The following FOXK2 variants were observed in gnomAD, a reference collection of about 807,000 sequenced individuals.
FOXK2 encodes the protein forkhead box protein K2.
Under a neutral mutation model 53.3 loss-of-function variants are expected in FOXK2, and 24 were observed. The ratio of observed to expected loss-of-function variants is 0.45; its 90% CI spans 0.33 to 0.63. The LOEUF (loss-of-function observed/expected upper bound fraction) is 0.63, where lower values mean the gene tolerates loss of function less well. Ranked by LOEUF, FOXK2 falls within the 30% of genes least tolerant of loss-of-function variation. FOXK2 has a pLI of 0.03. For missense variants in FOXK2, 952 were observed against 910.5 expected, an observed-to-expected ratio of 1.05 and a Z score of -0.59; for synonymous variants, 505 against 407.1, an observed-to-expected ratio of 1.24 and a Z score of -2.89.
chr17:82,563,750 CCTT>C lies in FOXK2; in HGVS notation c.614+203_614+205del, dbSNP rs1210282273. On this transcript the variant is annotated intron_variant, in intron 2 of 8. Transcript: ENST00000335255. ...GTTCCTGGTTTTTATTTACTCATTC[CCTT>C]TTTTTTTTTTTTTTTTGAGAAGGAG... Among the ~76,000 whole-genome samples the C allele has an allele frequency of 1.6e-4, 15 of 94,574 alleles. 1 individual carries two copies. The highest frequency in any genetic ancestry group is 1.5e-3 in the East Asian group (6 of 3,888). The allele number at this position is 94,574 out of a possible 152,430, so 62.0% of individuals were successfully genotyped here. A position where few individuals can be genotyped will look rare whatever the true frequency, so the allele number is the denominator to read the frequency against.
At chr17:82,569,651 A>C (rs2044891458) in intron 3 of FOXK2, among the ~76,000 whole-genome samples, 1 of 152,078 alleles carries the variant, frequency 6.6e-6, no homozygotes, top group African/African-American at 2.4e-5. Flanking sequence ...AGAAACATAG[A>C]AAAAAATCAC....
chr17:82,569,029 A>G (rs1243325859), intron 3 of FOXK2, among the ~76,000 whole-genome samples: 1 of 152,168 alleles, frequency 6.6e-6, no homozygotes, highest in African/African-American at 2.4e-5. Flanking sequence ...TAAAATAAAA[A>G]ATAAAAAGAA....
intron 5 of FOXK2, among the ~76,000 whole-genome samples, chr17:82,583,439 C>A (rs1039809628): frequency 1.3e-5 from 2 of 152,170 alleles, no homozygotes; most frequent in African/African-American, 2.4e-5. Flanking sequence ...CCCAGCTACT[C>A]GGGAGCCTGA....
intron 1 of FOXK2, among the ~76,000 whole-genome samples, chr17:82,553,701 C>G (rs1322787276): frequency 6.6e-6 from 1 of 152,198 alleles, no homozygotes; most frequent in Non-Finnish European, 1.5e-5. Context: ...GCCCTTAAGA[C>G]ATGAACCACC....
chr17:82,595,075 G>A (rs187885439), intron 8 of FOXK2, among the ~76,000 whole-genome samples: 8 of 152,310 alleles, frequency 5.3e-5, no homozygotes, highest in African/African-American at 1.4e-4. Flanking sequence ...AACGCAAGCC[G>A]GCATACATTG....
rs1161481850 is a variant in FOXK2, at chr17:82,602,264, A to C, written c.*765A>C. 1 of 152,172 alleles carries C rather than the reference A, an allele frequency of 6.6e-6. No individual in the cohort carries two copies. Among genetic ancestry groups the C allele is most frequent in the Non-Finnish European group, 1.5e-5 (1 of 68,032 alleles). The allele number at this position is 152,172 out of a possible 1,614,324, so 9.4% of individuals were successfully genotyped here. A position where few individuals can be genotyped will look rare whatever the true frequency, so the allele number is the denominator to read the frequency against. ...ACCCAGGGACGAGCCAGTGCCGGGA[A>C]GGAACTGCCGGGACTCACCGAGCTG... On this transcript the variant is annotated 3_prime_UTR_variant, in exon 9 of 9. Transcript: ENST00000335255.
At position 82,539,295 on chromosome 17, in the gene FOXK2, G is replaced by A. The variant is rs12185279; in HGVS notation, c.419+18988G>A. 2.0e-4 allele frequency among the ~76,000 whole-genome samples: 10 copies of A among 49,114 alleles called. No homozygotes were observed. The South Asian group carries it at 2.8e-3, about 14-fold the overall frequency. 32.2% of individuals were successfully genotyped at this position (49,114 alleles called of 152,430 possible). ...AAGGTGGCCGGGCGTGGTGGCTCAGGCCCGTAATCTCAGCACTGTAAGGTG... is the reference window on the plus strand; with the variant it reads ...AAGGTGGCCGGGCGTGGTGGCTCAGACCCGTAATCTCAGCACTGTAAGGTG... On this transcript the variant is annotated intron_variant, in intron 1 of 8. Transcript: ENST00000335255.
intron 1 of FOXK2, among the ~76,000 whole-genome samples, chr17:82,560,066 C>G (rs1400151366): frequency 2.1e-5 from 3 of 143,428 alleles, no homozygotes; most frequent in Admixed American, 1.5e-4. Context: ...AGTGCAGTGG[C>G]AGGATCTCGG....
intron 1 of FOXK2, among the ~76,000 whole-genome samples, chr17:82,521,023 A>G (rs926798209): frequency 3.3e-5 from 5 of 152,172 alleles, no homozygotes; most frequent in African/African-American, 1.2e-4. Context: ...TCCTGCTACA[A>G]AACAATTTAG....
At chr17:82,585,083 C>G (rs905906841) in intron 6 of FOXK2, among the ~76,000 whole-genome samples, 4 of 152,224 alleles carry the variant, frequency 2.6e-5, no homozygotes, top group Non-Finnish European at 5.9e-5. Context: ...ACAGCCATGT[C>G]TCCCTCTCTT....
chr17:82,545,198 C>T (rs1352863740), intron 1 of FOXK2, among the ~76,000 whole-genome samples: 1 of 152,138 alleles, frequency 6.6e-6, no homozygotes, highest in East Asian at 1.9e-4. Context: ...ACCACTGGTA[C>T]GGTCTGTTCT....
At chr17:82,545,195 G>A (rs2044613170) in intron 1 of FOXK2, among the ~76,000 whole-genome samples, 1 of 152,096 alleles carries the variant, frequency 6.6e-6, no homozygotes, top group African/African-American at 2.4e-5. Context: ...AGAACCACTG[G>A]TACGGTCTGT....
chr17:82,587,324 GC>G (rs745757489), intron 8 of FOXK2, 52 bp downstream of exon 8: 1 of 1,389,618 alleles, frequency 7.2e-7, no homozygotes, highest in Non-Finnish European at 1.0e-6. Flanking sequence ...TGGGAGCAGA[GC>G]CCCTTCTCAC....
intron 2 of FOXK2, among the ~76,000 whole-genome samples, chr17:82,566,765 C>A (rs1159618721): frequency 6.6e-6 from 1 of 152,142 alleles, no homozygotes; most frequent in African/African-American, 2.4e-5. Flanking sequence ...CTTGCTTGCC[C>A]CTCCCCACAC....
intron 8 of FOXK2, among the ~76,000 whole-genome samples, chr17:82,591,127 G>T (rs1183471303): frequency 6.6e-6 from 1 of 152,182 alleles, no homozygotes; most frequent in African/African-American, 2.4e-5. Flanking sequence ...CTGTAGCCCT[G>T]GCCTTGCAGG....
At chr17:82,530,471 G>C (rs1599878755) in intron 1 of FOXK2, among the ~76,000 whole-genome samples, 2 of 134,574 alleles carry the variant, frequency 1.5e-5, no homozygotes, top group Admixed American at 7.4e-5. Flanking sequence ...AAAAAAGAGA[G>C]AGAAAACCCG....
intron 1 of FOXK2, among the ~76,000 whole-genome samples, chr17:82,521,527 G>C (rs1204816549): frequency 1.3e-5 from 2 of 151,850 alleles, no homozygotes; most frequent in Non-Finnish European, 2.9e-5. Context: ...AAGAGCTGTT[G>C]CTTTTCTTCT....
intron 1 of FOXK2, among the ~76,000 whole-genome samples, chr17:82,553,764 T>G (rs1242600273): frequency 6.6e-6 from 1 of 152,218 alleles, no homozygotes; most frequent in Non-Finnish European, 1.5e-5. Flanking sequence ...TGGTGGAGAT[T>G]GTCCCAGACG....
chr17:82,553,142 GC>G (rs1465193214), intron 1 of FOXK2, among the ~76,000 whole-genome samples: 1 of 152,176 alleles, frequency 6.6e-6, no homozygotes, highest in Non-Finnish European at 1.5e-5. Flanking sequence ...CACTATGTTG[GC>G]CAGGCTGATC....
Sources: gnomAD v4.1 joint callset for allele counts (sites outside exome capture counted in the v4.1 genomes callset) on GRCh38, gnomAD v4.1.1 for gene constraint, MANE v1.5 for transcripts, NCBI Gene and HGNC (gene_info 2026-07-23, HGNC 2026-07-21) for gene names.